Variants in ACTR3C observed in about 807,000 individuals in gnomAD.
ACTR3C encodes the protein actin-related protein 3C.
In ACTR3C, 18 loss-of-function variants were observed where a neutral mutation model predicts 26.3. The observed-to-expected ratio is 0.68, with a 90% CI of 0.47 to 1.01. ACTR3C has a LOEUF of 1.01. Ranked by LOEUF, ACTR3C falls within the 50% of genes least tolerant of loss-of-function variation. ACTR3C has a pLI of 0.00. For missense variants in ACTR3C, 184 were observed against 250.7 expected, an observed-to-expected ratio of 0.73 and a Z score of 1.80; for synonymous variants, 55 against 94.5, an observed-to-expected ratio of 0.58 and a Z score of 2.42.
At chr7:150,092,189 T>C in the ACTR3C span, among the ~76,000 whole-genome samples, 149 of 142,974 alleles carry the variant, frequency 1.0e-3, 3 homozygotes, top group African/African-American at 3.4e-3. Flanking sequence ...ATTTAAGCAA[T>C]ATTTACTACA....
At chr7:150,023,578 A>T in the ACTR3C span, among the ~76,000 whole-genome samples, 1 of 152,012 alleles carries the variant, frequency 6.6e-6, no homozygotes, top group Middle Eastern at 3.4e-3. Context: ...AAGCAACAGC[A>T]AGTTTTTCCA....
At chr7:149,890,189 A>G in the ACTR3C span, among the ~76,000 whole-genome samples, 1,928 of 152,264 alleles carry the variant, frequency 0.013, 32 homozygotes, top group African/African-American at 0.044. Flanking sequence ...ATGTACTTGC[A>G]TGAAAAAAAA....
the ACTR3C span, among the ~76,000 whole-genome samples, chr7:150,121,755 A>G: frequency 6.6e-6 from 1 of 151,794 alleles, no homozygotes; most frequent in African/African-American, 2.4e-5. Flanking sequence ...ATGGAACCGA[A>G]AAAAGAGCCC....
At chr7:149,966,922 C>T in the ACTR3C span, among the ~76,000 whole-genome samples, 7 of 151,084 alleles carry the variant, frequency 4.6e-5, no homozygotes, top group Non-Finnish European at 8.8e-5. Flanking sequence ...AGTGCAATGG[C>T]GTGATCTCGG....
chr7:150,304,926 G>A (rs528047875), intron 1 of ACTR3C, among the ~76,000 whole-genome samples: 19 of 152,022 alleles, frequency 1.2e-4, no homozygotes, highest in African/African-American at 3.6e-4. Flanking sequence ...ATGTCTGCCC[G>A]GGCTCCTTAA....
At chr7:150,054,164 A>G in the ACTR3C span, among the ~76,000 whole-genome samples, 11 of 152,218 alleles carry the variant, frequency 7.2e-5, no homozygotes, top group Non-Finnish European at 1.6e-4. Context: ...GGAGCATGTG[A>G]TTGCATTTCC....
At chr7:150,045,926 C>A in the ACTR3C span, among the ~76,000 whole-genome samples, 1 of 152,116 alleles carries the variant, frequency 6.6e-6, no homozygotes, top group African/African-American at 2.4e-5. Flanking sequence ...GTTTGCATTG[C>A]AGCTTAACTG....
At chr7:150,120,729 T>C in the ACTR3C span, among the ~76,000 whole-genome samples, 1 of 152,120 alleles carries the variant, frequency 6.6e-6, no homozygotes, top group South Asian at 2.1e-4. Flanking sequence ...CCTCCCTAAC[T>C]CATTTTTGAG....
intron 1 of ACTR3C, chr7:150,302,976 C>A (rs1795542036): frequency 6.6e-6 from 1 of 152,256 alleles, no homozygotes; most frequent in Admixed American, 6.5e-5. Context: ...GCAGCTGAAT[C>A]TCTCCCTTGC....
chr7:150,100,215 G>A, the ACTR3C span, among the ~76,000 whole-genome samples: 3 of 151,454 alleles, frequency 2.0e-5, 1 homozygote, highest in African/African-American at 7.3e-5. Flanking sequence ...CCCTCAGTGT[G>A]GGCTGTCACC....
the ACTR3C span, among the ~76,000 whole-genome samples, chr7:150,237,661 C>T: frequency 6.6e-6 from 1 of 152,182 alleles, no homozygotes; most frequent in African/African-American, 2.4e-5. Flanking sequence ...TCCACGGCAG[C>T]ATTTGCGTGC....
At chr7:149,904,724 A>G in the ACTR3C span, among the ~76,000 whole-genome samples, 6 of 150,872 alleles carry the variant, frequency 4.0e-5, no homozygotes, top group Admixed American at 1.3e-4. Context: ...GGGCGGGCAC[A>G]GTGGCTCACA....
the ACTR3C span, among the ~76,000 whole-genome samples, chr7:149,976,622 G>C: frequency 6.5e-3 from 971 of 150,016 alleles, 12 homozygotes; most frequent in African/African-American, 0.023. Flanking sequence ...GAAGAATGAC[G>C]AATATAGAAA....
the ACTR3C span, among the ~76,000 whole-genome samples, chr7:149,931,781 T>C: frequency 1.3e-5 from 2 of 151,048 alleles, no homozygotes; most frequent in African/African-American, 4.9e-5. Context: ...CAAAAATAAA[T>C]TGACAAAAAA....
the ACTR3C span, among the ~76,000 whole-genome samples, chr7:150,078,308 T>G: frequency 2.7e-5 from 4 of 146,544 alleles, no homozygotes; most frequent in African/African-American, 1.0e-4. Flanking sequence ...GTCTATCTGT[T>G]GCTTGGGTCC....
the ACTR3C span, among the ~76,000 whole-genome samples, chr7:150,201,441 A>T: frequency 1.3e-5 from 2 of 152,206 alleles, no homozygotes; most frequent in African/African-American, 4.8e-5. Flanking sequence ...TAATACACAC[A>T]TTTAAAAGTT....
chr7:150,089,883 C>T, the ACTR3C span, among the ~76,000 whole-genome samples: 173 of 152,344 alleles, frequency 1.1e-3, 1 homozygote, highest in African/African-American at 4.0e-3. Context: ...TCCACTTGCA[C>T]AGTTGGGTTT....
intron 5 of ACTR3C, among the ~76,000 whole-genome samples, chr7:150,285,114 A>AT (rs754087907): frequency 2.0e-5 from 3 of 152,210 alleles, no homozygotes; most frequent in Non-Finnish European, 2.9e-5. Context: ...CACCCCATGA[A>AT]TACACAGTGA....
chr7:150,006,807 T>C, the ACTR3C span, among the ~76,000 whole-genome samples: 11 of 152,322 alleles, frequency 7.2e-5, no homozygotes, highest in Non-Finnish European at 1.5e-5. Flanking sequence ...GTATTTAAAA[T>C]GAAACATTTT....
Sources: allele counts gnomAD v4.1 joint callset (sites outside exome capture counted in the v4.1 genomes callset), GRCh38; gene constraint gnomAD v4.1.1; transcripts MANE v1.5; gene names NCBI Gene and HGNC (gene_info 2026-07-23, HGNC 2026-07-21).